Variants in LRRC66 observed in about 807,000 individuals in gnomAD.
The protein encoded by LRRC66 is leucine-rich repeat-containing protein 66.
Under a neutral mutation model 24.6 loss-of-function variants are expected in LRRC66, and 29 were observed. That is an observed-to-expected ratio of 1.18 (90% CI 0.88 to 1.61). The LOEUF (loss-of-function observed/expected upper bound fraction) is 1.61. LRRC66 is among the 40% of genes most tolerant of loss of function. The probability of loss-of-function intolerance (pLI) is 0.00; values close to 1 mark genes in which losing one functional copy is unlikely to be tolerated. For missense variants in LRRC66, 1,124 were observed against 1,058.0 expected, an observed-to-expected ratio of 1.06 and a Z score of -0.87; for synonymous variants, 411 against 397.6, an observed-to-expected ratio of 1.03 and a Z score of -0.40.
chr4:52,000,400 G>T (rs1405112685), intron 3 of LRRC66, among the ~76,000 whole-genome samples: 1 of 152,140 alleles, frequency 6.6e-6, no homozygotes, highest in Non-Finnish European at 1.5e-5. Flanking sequence ...CTGTCCTCAT[G>T]ACTACTGTAG....
At chr4:51,997,664 T>A (rs781034740) in intron 4 of LRRC66, 84 bp downstream of exon 4, 4 of 1,269,690 alleles carry the variant, frequency 3.2e-6, no homozygotes, top group Non-Finnish European at 4.5e-6. Flanking sequence ...TCATGGGGAC[T>A]GTCATTATTT....
rs1259683130 is a variant in LRRC66, at chr4:52,017,398, A to G, written c.216T>C (p.Phe72=). 3.7e-6 allele frequency: 6 copies of G among 1,614,166 alleles called. No individual in the cohort carries two copies. The highest frequency in any genetic ancestry group is 5.1e-6 in the Non-Finnish European group (6 of 1,180,010). Residue 72 remains phenylalanine (F), a synonymous_variant, in exon 2 of 5, where the codon TTT becomes TTC. Coordinates refer to ENST00000682860, the MANE Select transcript of LRRC66 (RefSeq NM_001024611.3). ...TCGTGTGAGACTGTAAGAGAACTCT[A>G]AAGAAATTGAAACTTACATCCACAG... ...AATVDVSFNF[F]RVLLQSHTKK...
chr4:52,013,121 CTT>C (rs1420850507), intron 2 of LRRC66, among the ~76,000 whole-genome samples: 1 of 152,108 alleles, frequency 6.6e-6, no homozygotes. Flanking sequence ...AGTTTAGTGT[CTT>C]ATATACTTTT....
rs369822574 is a variant in LRRC66 at position 51,994,665 on chromosome 4, T to C, written c.2357A>G (p.Tyr786Cys). ...PLISAPDSGM[Y>C]KTHLENASDT... is the part of the protein sequence containing the mutation. ...AGAGGCATTTTCCAGATGAGTCTTGTACATGCCAGAGTCTGGAGCAGAAAT... is the reference window on the plus strand; with the variant it reads ...AGAGGCATTTTCCAGATGAGTCTTGCACATGCCAGAGTCTGGAGCAGAAAT... Residue 786 changes from tyrosine to cysteine, a missense_variant, in exon 5 of 5, where the codon TAC becomes TGC. Coordinates refer to ENST00000682860, the MANE Select transcript of LRRC66 (RefSeq NM_001024611.3). The C allele has an allele frequency of 1.7e-5, 27 of 1,614,058 alleles. No homozygotes were observed. In the African/African-American group the frequency reaches 3.1e-4, roughly 18 times the overall value.
Position 52,017,403 on chromosome 4 carries a change from A to C in LRRC66, c.211T>G (p.Phe71Val), listed in dbSNP as rs750204341. The C allele has an allele frequency of 2.5e-6, 4 of 1,614,086 alleles. No individual in the cohort carries two copies. In the South Asian group the frequency reaches 4.4e-5, roughly 18 times the overall value. The change falls in exon 2 of 5, where the codon TTC becomes GTC. Residue 71 changes from phenylalanine (F) to valine (V), a missense_variant. Transcript: ENST00000682860. ...TAATVDVSFN[F>V]FRVLLQSHTK... ...TGAGACTGTAAGAGAACTCTAAAGA[A>C]ATTGAAACTTACATCCACAGTGGCT...
At position 51,994,385 on chromosome 4, in the gene LRRC66, T is replaced by C. The variant is rs181155286; in HGVS notation, c.2637A>G (p.Leu879=). The C allele has an allele frequency of 8.6e-5, 138 of 1,602,736 alleles. No homozygotes were observed. In the African/African-American group the frequency reaches 1.4e-3, roughly 17 times the overall value. Residue 879 remains leucine, a synonymous_variant, in exon 5 of 5, where the codon TTA becomes TTG. Transcript: ENST00000682860. ...TTTCCTTAATGAAAGATTCTTATTT[T>C]AAAATGTCTGAGTCTCTTTCATGGA... ...AAFHERDSDI[L]K
intron 2 of LRRC66, 150 bp downstream of exon 2, chr4:52,016,968 A>G (rs907769744): frequency 4.9e-6 from 4 of 821,308 alleles, no homozygotes; most frequent in Admixed American, 2.8e-5. Flanking sequence ...ATAACTTCCA[A>G]TGCCACTAAG....
Position 51,994,113 on chromosome 4 carries a change from G to T in LRRC66, c.*266C>A, listed in dbSNP as rs913109787. The T allele has an allele frequency of 2.2e-4, 87 of 395,278 alleles. No individual in the cohort carries two copies. The highest frequency in any genetic ancestry group is 2.2e-4 in the Non-Finnish European group (50 of 222,236). 24.5% of individuals were successfully genotyped at this position (395,278 alleles called of 1,614,324 possible). A position where few individuals can be genotyped will look rare whatever the true frequency, so the allele number is the denominator to read the frequency against. On this transcript the variant is annotated 3_prime_UTR_variant, in exon 5 of 5. Coordinates refer to ENST00000682860, the MANE Select transcript of LRRC66 (RefSeq NM_001024611.3). ...AATAATGGTGCATGGTTCTTGGAAT[G>T]ATCTCAAAATATTCCCCTCTTTCTC...
At chr4:52,008,588 T>A (rs1736634807) in intron 2 of LRRC66, among the ~76,000 whole-genome samples, 1 of 152,120 alleles carries the variant, frequency 6.6e-6, no homozygotes, top group Admixed American at 6.5e-5. Flanking sequence ...AGATTTCTTA[T>A]CGGAAACAAT....
intron 4 of LRRC66, among the ~76,000 whole-genome samples, chr4:51,997,335 T>C (rs972765635): frequency 1.3e-5 from 2 of 152,224 alleles, no homozygotes; most frequent in African/African-American, 2.4e-5. Flanking sequence ...TTTTAAAAGT[T>C]CTTTCTTTAA....
chr4:52,019,241 T>C (rs1207563840), intron 1 of LRRC66, among the ~76,000 whole-genome samples: 1 of 152,198 alleles, frequency 6.6e-6, no homozygotes, highest in Non-Finnish European at 1.5e-5. Flanking sequence ...TTTCCTGCTT[T>C]AGCCTCCAAA....
intron 2 of LRRC66, among the ~76,000 whole-genome samples, chr4:52,014,184 G>A (rs571522525): frequency 1.8e-4 from 27 of 152,266 alleles, no homozygotes; most frequent in African/African-American, 6.0e-4. Flanking sequence ...CCTGGGAGGC[G>A]GAGGTTGCGG....
chr4:51,999,032 C>G (rs1736386712), intron 3 of LRRC66, among the ~76,000 whole-genome samples: 1 of 152,174 alleles, frequency 6.6e-6, no homozygotes. Flanking sequence ...GTGTGCCTTC[C>G]AATGCAGAAC....
chr4:51,996,746 C>CAG (rs1736330412), intron 4 of LRRC66, among the ~76,000 whole-genome samples: 1 of 152,148 alleles, frequency 6.6e-6, no homozygotes, highest in African/African-American at 2.4e-5. Context: ...GTCTGTTGCT[C>CAG]AGAGGTCCTG....
intron 2 of LRRC66, among the ~76,000 whole-genome samples, chr4:52,008,481 A>G (rs1454702223): frequency 6.6e-6 from 1 of 152,054 alleles, no homozygotes; most frequent in East Asian, 1.9e-4. Flanking sequence ...TAAAAGAAGA[A>G]ATTATAAAGG....
chr4:52,012,347 ACTT>A (rs1016495119), intron 2 of LRRC66, among the ~76,000 whole-genome samples: 2 of 152,110 alleles, frequency 1.3e-5, no homozygotes, highest in Non-Finnish European at 1.5e-5. Flanking sequence ...AGGAAGGTAA[ACTT>A]CTTCTGGAGA....
chr4:51,995,459 CATT>C lies in LRRC66; in HGVS notation c.1560_1562del (p.Met521del), dbSNP rs1268916367. On this transcript the variant is annotated inframe_deletion, in exon 5 of 5. Coordinates refer to ENST00000682860, the MANE Select transcript of LRRC66 (RefSeq NM_001024611.3). Reference sequence around the variant, plus strand: ...TATGGATGTGGTCCTGCGCTGCTGACATTAGTTCACGGTTACCGGCATGTGGAT... The same window carrying C: ...TATGGATGTGGTCCTGCGCTGCTGACAGTTCACGGTTACCGGCATGTGGAT... 3.7e-6 allele frequency: 6 copies of C among 1,614,174 alleles called. No individual in the cohort carries two copies. The highest frequency in any genetic ancestry group is 4.2e-6 in the Non-Finnish European group (5 of 1,180,042).
In LRRC66 at chr4:52,012,392, C is replaced by A. The variant is rs569890857; in HGVS notation, c.496+4726G>T. 3.5e-3 allele frequency among the ~76,000 whole-genome samples: 540 copies of A among 152,124 alleles called. 3 individuals carry two copies. The highest frequency in any genetic ancestry group is 5.6e-3 in the Non-Finnish European group (383 of 67,996). ...TAAAGACCAGGAAGTTCAGTTTACACCTCCTGAATGAAAACTTTTCCTTTA... is the reference window on the plus strand; with the variant it reads ...TAAAGACCAGGAAGTTCAGTTTACAACTCCTGAATGAAAACTTTTCCTTTA... On this transcript the variant is annotated intron_variant, in intron 2 of 4. Transcript: ENST00000682860.
chr4:52,007,977 AT>A (rs539256521), intron 2 of LRRC66, among the ~76,000 whole-genome samples: 64 of 147,786 alleles, frequency 4.3e-4, no homozygotes, highest in Middle Eastern at 7.0e-3. Context: ...TTGACTGCCA[AT>A]TTTTTTTTTT....
Sources: gnomAD v4.1 joint callset for allele counts (sites outside exome capture counted in the v4.1 genomes callset) on GRCh38, gnomAD v4.1.1 for gene constraint, MANE v1.5 for transcripts, NCBI Gene and HGNC (gene_info 2026-07-23, HGNC 2026-07-21) for gene names.